Variants in PTPRG observed in about 807,000 individuals in gnomAD.
PTPRG encodes protein tyrosine phosphatase receptor type G, also known as receptor-type tyrosine-protein phosphatase gamma.
PTPRG carries 102 observed loss-of-function variants against 165.3 expected under a neutral mutation model. That is an observed-to-expected ratio of 0.62 (90% confidence interval 0.53 to 0.73). The LOEUF (loss-of-function observed/expected upper bound fraction) is 0.73, where lower values mean the gene tolerates loss of function less well. Among genes scored for constraint, PTPRG ranks in the 30% least tolerant of loss-of-function variants. PTPRG has a pLI of 0.00. For missense variants in PTPRG, 1,866 were observed against 1,861.4 expected, an observed-to-expected ratio of 1.00 and a Z score of -0.05; for synonymous variants, 675 against 669.5, an observed-to-expected ratio of 1.01 and a Z score of -0.13.
At position 62,201,562 on chromosome 3, in the gene PTPRG, G is replaced by A. The variant is rs1222942666; in HGVS notation, c.1377+8G>A. 1 of 1,608,990 alleles carries A rather than the reference G, an allele frequency of 6.2e-7. No individual in the cohort carries two copies. The highest frequency in any genetic ancestry group is 8.5e-7 in the Non-Finnish European group (1 of 1,177,232). On this transcript the variant is annotated splice_region_variant and intron_variant, in intron 11 of 29. Transcript: ENST00000474889. ...ATAGTGAAAACAGGAGTGGTAAGTA[G>A]AGAATGGGAAATTGCTTTGTCGTGG...
intron 2 of PTPRG, among the ~76,000 whole-genome samples, chr3:61,964,886 A>G (rs2107648615): frequency 6.6e-6 from 1 of 152,222 alleles, no homozygotes; most frequent in South Asian, 2.1e-4. Flanking sequence ...CTAGATTAGT[A>G]TCTCTTTGAA....
intron 1 of PTPRG, among the ~76,000 whole-genome samples, chr3:61,718,449 C>T (rs1400952581): frequency 2.0e-5 from 3 of 151,998 alleles, no homozygotes; most frequent in Non-Finnish European, 4.4e-5. Flanking sequence ...TACTTGGCTT[C>T]AGCGGGTTAA....
rs901409396 is a variant in PTPRG at position 62,171,704 on chromosome 3, A to AT, written c.1033+3550dup. On this transcript the variant is annotated intron_variant, in intron 8 of 29. Coordinates refer to ENST00000474889, the MANE Select transcript of PTPRG (RefSeq NM_002841.4). Reference sequence around the variant, plus strand: ...TTTTTTATTGCTGAATAGTGTCCCTATTTTTTTTTAATAACAGCTTTATTG... The same window carrying AT: ...TTTTTTATTGCTGAATAGTGTCCCTATTTTTTTTTTAATAACAGCTTTATTG... Among the ~76,000 whole-genome samples the AT allele has an allele frequency of 3.5e-4, 52 of 149,818 alleles. 1 individual carries two copies. The highest frequency in any genetic ancestry group is 1.3e-3 in the Admixed American group (19 of 14,968).
At position 62,024,970 on chromosome 3, in the gene PTPRG, C is replaced by T. The variant is rs145828535; in HGVS notation, c.519+21473C>T. ...CAGGTTGCTGCCTCTGTTGTGTCGA[C>T]CTAACCCTAGCAATTTCTTGTTTGT... On this transcript the variant is annotated intron_variant, in intron 4 of 29. Transcript: ENST00000474889. Among the ~76,000 whole-genome samples, 481 of 152,222 alleles carry T rather than the reference C, an allele frequency of 3.2e-3. 3 individuals are homozygous for T. Among genetic ancestry groups the T allele is most frequent in the African/African-American group, 0.011 (461 of 41,538 alleles).
At chr3:61,830,271 T>A (rs1415973036) in intron 2 of PTPRG, among the ~76,000 whole-genome samples, 1 of 152,236 alleles carries the variant, frequency 6.6e-6, no homozygotes, top group Non-Finnish European at 1.5e-5. Context: ...ATTTCAAGAC[T>A]GCTATGCTTT....
intron 4 of PTPRG, among the ~76,000 whole-genome samples, chr3:62,006,767 C>CAA (rs1420398309): frequency 3.9e-5 from 6 of 152,100 alleles, no homozygotes; most frequent in Non-Finnish European, 8.8e-5. Flanking sequence ...TATGGTATTA[C>CAA]TTTCTAGTTG....
chr3:62,119,476 G>GTATTT (rs1392326587), intron 5 of PTPRG, among the ~76,000 whole-genome samples: 1 of 152,198 alleles, frequency 6.6e-6, no homozygotes, highest in Non-Finnish European at 1.5e-5. Context: ...AATGCTCCGA[G>GTATTT]TATTTGAGGA....
At chr3:62,274,477 T>G (rs1047642037) in intron 23 of PTPRG, among the ~76,000 whole-genome samples, 4 of 152,208 alleles carry the variant, frequency 2.6e-5, no homozygotes, top group Admixed American at 2.6e-4. Context: ...CTTCTAACTT[T>G]CAAACATCGC....
intron 2 of PTPRG, among the ~76,000 whole-genome samples, chr3:61,923,802 C>A (rs2039141621): frequency 6.7e-6 from 1 of 149,030 alleles, no homozygotes; most frequent in Non-Finnish European, 1.5e-5. Context: ...TCCCAAAACA[C>A]TGGGACTATA....
chr3:61,613,549 TAC>T (rs1701231706), intron 1 of PTPRG, among the ~76,000 whole-genome samples: 1 of 152,190 alleles, frequency 6.6e-6, no homozygotes, highest in Non-Finnish European at 1.5e-5. Flanking sequence ...CCCACCCAAT[TAC>T]AGTGCCAGGT....
At chr3:61,730,383 AAC>A (rs2032445768) in intron 1 of PTPRG, among the ~76,000 whole-genome samples, 1 of 152,248 alleles carries the variant, frequency 6.6e-6, no homozygotes, top group Non-Finnish European at 1.5e-5. Flanking sequence ...GCTTTCTGCA[AAC>A]ACATCATTTT....
chr3:61,948,483 A>G (rs114257017), intron 2 of PTPRG, among the ~76,000 whole-genome samples: 1,611 of 152,256 alleles, frequency 0.011, 29 homozygotes, highest in African/African-American at 0.037. Context: ...TTCTTTCTTC[A>G]TGAAGCTTAA....
In PTPRG at chr3:62,000,669, G is replaced by A. The variant is rs1008122524; in HGVS notation, c.371-2680G>A. 3.9e-5 allele frequency among the ~76,000 whole-genome samples: 6 copies of A among 152,110 alleles called. No homozygotes were observed. In the East Asian group the frequency reaches 5.8e-4, roughly 15 times the overall value. On this transcript the variant is annotated intron_variant, in intron 3 of 29. Coordinates refer to ENST00000474889, the MANE Select transcript of PTPRG (RefSeq NM_002841.4). The stretch of plus-strand genomic sequence containing the variant: ...CCCAAATAGTATTTGAGCCACCCCC[G>A]CTCTTCCTATTGTCCCTGCCTAATG...
In PTPRG at chr3:61,857,291, G is replaced by T. The variant is rs184583127; in HGVS notation, c.190+108309G>T. 3.3e-5 allele frequency among the ~76,000 whole-genome samples: 5 copies of T among 152,288 alleles called. No homozygotes were observed. In the East Asian group the frequency reaches 9.6e-4, roughly 29 times the overall value. ...TACAGACCTCCAGTGGCCAAGGCAA[G>T]ACTTGAACCCACCTCTTGTGAATTC... On this transcript the variant is annotated intron_variant, in intron 2 of 29. Transcript: ENST00000474889.
chr3:61,756,584 C>G (rs2033641743), intron 2 of PTPRG, among the ~76,000 whole-genome samples: 1 of 152,006 alleles, frequency 6.6e-6, no homozygotes, highest in African/African-American at 2.4e-5. Context: ...AACTTTCATC[C>G]TTGGCACCTG....
At position 62,027,633 on chromosome 3, in the gene PTPRG, C is replaced by T. The variant is rs538338873; in HGVS notation, c.519+24136C>T. 3.9e-4 allele frequency among the ~76,000 whole-genome samples: 60 copies of T among 152,322 alleles called. No individual in the cohort carries two copies. The East Asian group carries it at 0.01, about 26-fold the overall frequency. ...GTGCCAACTCATATTTTAAGCCAAG[C>T]AGCTGACAGACATTTACCTGTAGGC... On this transcript the variant is annotated intron_variant, in intron 4 of 29. Coordinates refer to ENST00000474889, the MANE Select transcript of PTPRG (RefSeq NM_002841.4).
intron 1 of PTPRG, among the ~76,000 whole-genome samples, chr3:61,644,270 A>AT (rs1702142309): frequency 2.0e-5 from 3 of 152,042 alleles, no homozygotes; most frequent in Admixed American, 2.0e-4. Context: ...GTCTTATTTT[A>AT]TTTTTTTATG....
chr3:62,060,479 A>G (rs1442167402), intron 4 of PTPRG, among the ~76,000 whole-genome samples: 1 of 152,192 alleles, frequency 6.6e-6, no homozygotes, highest in East Asian at 1.9e-4. Flanking sequence ...CTCTTTCCTC[A>G]TCAGGATGCC....
At chr3:62,106,970 T>C (rs915088829) in intron 5 of PTPRG, among the ~76,000 whole-genome samples, 3 of 152,232 alleles carry the variant, frequency 2.0e-5, no homozygotes, top group African/African-American at 4.8e-5. Flanking sequence ...TAACTGCCTT[T>C]TCTGGATTAC....
Sources: allele counts gnomAD v4.1 joint callset (sites outside exome capture counted in the v4.1 genomes callset), GRCh38; gene constraint gnomAD v4.1.1; transcripts MANE v1.5; gene names NCBI Gene and HGNC (gene_info 2026-07-23, HGNC 2026-07-21).